The following SASH1 variants were observed in gnomAD, a reference collection of about 807,000 sequenced individuals.
The protein encoded by SASH1 is SAM and SH3 domain-containing protein 1.
A neutral mutation model predicts 125.2 loss-of-function variants in SASH1; 44 were observed. The ratio of observed to expected loss-of-function variants is 0.35; its 90% CI spans 0.28 to 0.45. SASH1 has a LOEUF of 0.45. SASH1 is among the 20% of genes least tolerant of loss of function. The pLI is 1.00. For synonymous variants in SASH1, 639 were observed against 649.1 expected (o/e 0.98, Z 0.24); for missense variants, 1,426 against 1,614.5 (o/e 0.88, Z 2.00).
At chr6:148,243,337 C>G in the SASH1 span, among the ~76,000 whole-genome samples, 40 of 152,230 alleles carry the variant, frequency 2.6e-4, no homozygotes, top group African/African-American at 9.1e-4. Context: ...GTAATCCCAG[C>G]TACTCGGGAG....
At chr6:148,304,174 C>T (rs1461354241) in intron 1 of SASH1, among the ~76,000 whole-genome samples, 1 of 152,126 alleles carries the variant, frequency 6.6e-6, no homozygotes, top group East Asian at 1.9e-4. Flanking sequence ...CGCAGTGGCT[C>T]ACGCCTGTAA....
chr6:148,338,345 T>G (rs969951376), upstream of SASH1, among the ~76,000 whole-genome samples: 7 of 150,562 alleles, frequency 4.6e-5, no homozygotes, highest in African/African-American at 1.7e-4. Flanking sequence ...AAGAATCACT[T>G]GAACCCAGGA....
At chr6:148,218,075 G>C in the SASH1 span, among the ~76,000 whole-genome samples, 1 of 151,890 alleles carries the variant, frequency 6.6e-6, no homozygotes. Flanking sequence ...AGAAGCTCCC[G>C]TTCCCAGGCA....
At position 148,519,574 on chromosome 6, in the gene SASH1, CG is replaced by C; in HGVS notation, c.891del (p.Pro298ArgfsTer65). 1 of 1,613,956 alleles carries C rather than the reference CG, an allele frequency of 6.2e-7. No homozygotes were observed. Among genetic ancestry groups the C allele is most frequent in the Non-Finnish European group, 8.5e-7 (1 of 1,179,902 alleles). On this transcript the variant is annotated frameshift_variant, in exon 10 of 20. Transcript: ENST00000367467. LOFTEE classifies it high-confidence loss of function. The surrounding 1 kb of genome is among the most constrained non-coding windows in gnomAD (Gnocchi z 4.8). Reference sequence around the variant, plus strand: ...GGGGAGGAGCACGTGTTTGAGAATTCGCCGGTCCTGGATGAACGGTCCGCCC... The same window carrying C: ...GGGGAGGAGCACGTGTTTGAGAATTCCCGGTCCTGGATGAACGGTCCGCCC... ...EGGEEHVFEN[S>X]PVLDERSALY...
chr6:148,225,220 A>G, the SASH1 span, among the ~76,000 whole-genome samples: 1 of 152,214 alleles, frequency 6.6e-6, no homozygotes, highest in Non-Finnish European at 1.5e-5. Flanking sequence ...TGTGTTCCTA[A>G]TTGCAATACA....
the SASH1 span, among the ~76,000 whole-genome samples, chr6:148,259,168 C>T: frequency 6.6e-6 from 1 of 152,146 alleles, no homozygotes; most frequent in African/African-American, 2.4e-5. Flanking sequence ...GGGGGCACCT[C>T]CTGTTCCAGG....
At chr6:148,321,964 A>T (rs1780643223) in intron 1 of SASH1, among the ~76,000 whole-genome samples, 1 of 152,190 alleles carries the variant, frequency 6.6e-6, no homozygotes, top group East Asian at 1.9e-4. Context: ...ATACATATAC[A>T]TTTATTAAAA....
chr6:148,541,848 A>G (rs759191138), intron 17 of SASH1, among the ~76,000 whole-genome samples: 1 of 152,178 alleles, frequency 6.6e-6, no homozygotes, highest in Non-Finnish European at 1.5e-5. Context: ...AAGGTTTTCT[A>G]TCAACTTGGG....
At chr6:148,503,809 G>A (rs1779659295) in intron 8 of SASH1, among the ~76,000 whole-genome samples, 1 of 151,788 alleles carries the variant, frequency 6.6e-6, no homozygotes, top group Non-Finnish European at 1.5e-5. Flanking sequence ...TATTTTGTGT[G>A]TGCATGTGCA....
chr6:148,333,883 C>A (rs188612629), intron 1 of SASH1, among the ~76,000 whole-genome samples: 1 of 151,938 alleles, frequency 6.6e-6, no homozygotes, highest in Admixed American at 6.6e-5. Flanking sequence ...ACTGCAGTGG[C>A]GTGATCTCAG....
chr6:148,449,789 T>TG (rs1449067004), intron 4 of SASH1, among the ~76,000 whole-genome samples: 1 of 152,074 alleles, frequency 6.6e-6, no homozygotes, highest in Non-Finnish European at 1.5e-5. Context: ...GGCCGTCCTG[T>TG]GGGGTGATAA....
chr6:148,544,209 C>A lies in SASH1; in HGVS notation c.2739C>A (p.Gly913=). The change falls in exon 18 of 20, where the codon GGC becomes GGA. Residue 913 remains glycine (G), a synonymous_variant. Transcript: ENST00000367467. The surrounding 1 kb of genome is among the most constrained non-coding windows in gnomAD (Gnocchi z 6.4). Reference sequence around the variant, plus strand: ...AATTGACAACTAAGAAACTGGAGGGCTCAATCGCAGCCTCTGGTCGCGGCC... The same window carrying A: ...AATTGACAACTAAGAAACTGGAGGGATCAATCGCAGCCTCTGGTCGCGGCC... The part of the protein sequence containing the change: ...PQKLTTKKLE[G]SIAASGRGLS... 6.2e-7 allele frequency: 1 copy of A among 1,614,174 alleles called. No individual in the cohort carries two copies. The highest frequency in any genetic ancestry group is 1.1e-5 in the South Asian group (1 of 91,092).
chr6:148,405,938 C>T lies in SASH1; in HGVS notation c.285+15676C>T, dbSNP rs536462454. On this transcript the variant is annotated intron_variant, in intron 2 of 19. Transcript: ENST00000367467. ...TTACTTAGGAAAAAAAATCAGAAAT[C>T]GACAGTGTAATCTTTGGACTCCAGT... Among the ~76,000 whole-genome samples, 20 of 152,280 alleles carry T rather than the reference C, an allele frequency of 1.3e-4. 1 individual carries two copies. In the South Asian group the frequency reaches 1.7e-3, roughly 13 times the overall value.
At chr6:148,395,175 G>T (rs1783898910) in intron 2 of SASH1, among the ~76,000 whole-genome samples, 1 of 152,152 alleles carries the variant, frequency 6.6e-6, no homozygotes. Context: ...ATTGGTTTAT[G>T]GCTTTGTTTC....
intron 16 of SASH1, among the ~76,000 whole-genome samples, chr6:148,540,125 C>T (rs1035424904): frequency 2.6e-5 from 4 of 152,176 alleles, no homozygotes; most frequent in African/African-American, 9.7e-5. Flanking sequence ...GGGAGCCCCA[C>T]TGCCAAAACA....
intron 2 of SASH1, among the ~76,000 whole-genome samples, chr6:148,437,484 C>T (rs12206643): frequency 0.14 from 21,332 of 152,218 alleles, 1,670 homozygotes; most frequent in South Asian, 0.31. Context: ...AACAAACGTC[C>T]TGCATGAAAA....
the SASH1 span, among the ~76,000 whole-genome samples, chr6:148,233,888 G>A: frequency 6.6e-6 from 1 of 151,328 alleles, no homozygotes; most frequent in African/African-American, 2.4e-5. Context: ...ACTCCAGACT[G>A]GGTGACAGAG....
At chr6:148,368,846 A>T (rs996848798) in intron 1 of SASH1, among the ~76,000 whole-genome samples, 3 of 151,212 alleles carry the variant, frequency 2.0e-5, no homozygotes, top group African/African-American at 7.3e-5. Flanking sequence ...CTGGGCTCTG[A>T]ATCCACAAAT....
intron 6 of SASH1, among the ~76,000 whole-genome samples, chr6:148,473,030 A>G (rs1326227648): frequency 2.0e-5 from 3 of 152,196 alleles, no homozygotes; most frequent in Admixed American, 2.0e-4. Context: ...ACCAGAGGCA[A>G]TAGCAGTCTG....
Sources: gnomAD v4.1 joint callset for allele counts (sites outside exome capture counted in the v4.1 genomes callset) on GRCh38, gnomAD v4.1.1 for gene constraint, Gnocchi (gnomAD v3.1) non-coding constraint, MANE v1.5 for transcripts, NCBI Gene and HGNC (gene_info 2026-07-23, HGNC 2026-07-21) for gene names.